CNKSR2: variants seen among roughly 807,000 people sequenced by gnomAD.
CNKSR2 encodes the protein CNK homolog protein 2.
Under a neutral mutation model 84.4 loss-of-function variants are expected in CNKSR2, and 14 were observed. The ratio of observed to expected loss-of-function variants is 0.17; its 90% CI spans 0.11 to 0.26. The LOEUF (loss-of-function observed/expected upper bound fraction) is 0.26. Ranked by LOEUF, CNKSR2 falls within the 10% of genes least tolerant of loss-of-function variation. CNKSR2 has a pLI of 1.00. For synonymous variants in CNKSR2, 275 were observed against 277.9 expected, an observed-to-expected ratio of 0.99 and a Z score of 0.10; for missense variants, 485 against 771.2, an observed-to-expected ratio of 0.63 and a Z score of 4.40.
chrX:21,590,510 G>C (rs929267645), intron 13 of CNKSR2, 62 bp from the exon 14 acceptor site: 1 of 1,048,326 alleles, frequency 9.5e-7, no homozygotes, highest in South Asian at 2.0e-5. Context: ...TCTGTGTAGC[G>C]TGCTGGTGCT....
intron 17 of CNKSR2, among the ~76,000 whole-genome samples, chrX:21,597,801 AATT>A (rs1343725320): frequency 5.5e-5 from 6 of 109,432 alleles, no homozygotes; most frequent in Non-Finnish European, 9.5e-5. Context: ...TATTTATAAA[AATT>A]ATTATAATTA....
chrX:21,562,615 T>C (rs2092201502), intron 12 of CNKSR2, among the ~76,000 whole-genome samples: 1 of 111,574 alleles, frequency 9.0e-6, no homozygotes, highest in South Asian at 3.7e-4. Context: ...TCAAGAAAAG[T>C]ATAAAAGAGA....
chrX:21,375,062 T>G (rs2089788267), intron 1 of CNKSR2, 101 bp downstream of exon 1: 1 of 716,273 alleles, frequency 1.4e-6, no homozygotes, highest in Non-Finnish European at 2.2e-6. Context: ...CCACCGCGGC[T>G]TCCACTGGCG....
At chrX:21,489,897 T>G in intron 5 of CNKSR2, among the ~76,000 whole-genome samples, 1 of 111,721 alleles carries the variant, frequency 9.0e-6, no homozygotes, top group Non-Finnish European at 1.9e-5. Context: ...TAAAATAGTT[T>G]CGCAGTTTCA....
intron 1 of CNKSR2, among the ~76,000 whole-genome samples, chrX:21,415,879 T>C (rs2090415547): frequency 9.3e-6 from 1 of 107,590 alleles, no homozygotes; most frequent in Non-Finnish European, 1.9e-5. Context: ...CACATATATA[T>C]ATATATATGA....
chrX:21,395,194 C>G (rs1332810193), intron 1 of CNKSR2, among the ~76,000 whole-genome samples: 2 of 111,520 alleles, frequency 1.8e-5, no homozygotes, highest in Non-Finnish European at 3.8e-5. Context: ...TAAAAATGCT[C>G]TATATATCCA....
chrX:21,570,135 A>G (rs2092272928), intron 13 of CNKSR2, among the ~76,000 whole-genome samples: 1 of 112,260 alleles, frequency 8.9e-6, no homozygotes, highest in Non-Finnish European at 1.9e-5. Context: ...GTTTGAAGCT[A>G]GGCATTGACT....
rs570362816 is a variant in CNKSR2 at position 21,653,828 on chromosome X, T to G, written c.*1307T>G. On this transcript the variant is annotated 3_prime_UTR_variant, in exon 22 of 22. Coordinates refer to ENST00000379510, the MANE Select transcript of CNKSR2 (RefSeq NM_014927.5). Reference sequence around the variant, plus strand: ...ATAATGTACAAGTCACAATTTGCTGTTTTTTTCAGGAGGAGAAAGGGAACC... The same window carrying G: ...ATAATGTACAAGTCACAATTTGCTGGTTTTTTCAGGAGGAGAAAGGGAACC... The G allele has an allele frequency of 9.9e-5, 11 of 111,522 alleles. No individual in the cohort carries two copies. The South Asian group carries it at 3.8e-3, about 38-fold the overall frequency. 9.2% of individuals were successfully genotyped at this position (111,522 alleles called of 1,213,427 possible). A position where few individuals can be genotyped will look rare whatever the true frequency, so the allele number is the denominator to read the frequency against.
At chrX:21,576,060 A>G (rs2092317417) in intron 13 of CNKSR2, among the ~76,000 whole-genome samples, 1 of 112,399 alleles carries the variant, frequency 8.9e-6, no homozygotes, top group African/African-American at 3.2e-5. Flanking sequence ...GCAAGGGTAC[A>G]GAAGTACTGA....
intron 1 of CNKSR2, chrX:21,423,711 C>T (rs929129548): frequency 9.0e-6 from 1 of 111,310 alleles, no homozygotes; most frequent in African/African-American, 3.3e-5. Flanking sequence ...GCAATGTTTC[C>T]CCTTTCATTC....
At chrX:21,622,284 G>T (rs545331726) in intron 20 of CNKSR2, among the ~76,000 whole-genome samples, 1 of 110,615 alleles carries the variant, frequency 9.0e-6, no homozygotes, top group Middle Eastern at 4.7e-3. Flanking sequence ...CCTTTGTGGA[G>T]CTCTTCTTAC....
intron 12 of CNKSR2, among the ~76,000 whole-genome samples, 182 bp downstream of exon 12, chrX:21,561,742 C>T (rs777620700): frequency 2.3e-4 from 26 of 111,417 alleles, no homozygotes; most frequent in African/African-American, 7.8e-4. Flanking sequence ...CAGATATTGT[C>T]TCTGAATGCC....
chrX:21,588,526 G>C (rs1448065675), intron 13 of CNKSR2, among the ~76,000 whole-genome samples: 1 of 111,833 alleles, frequency 8.9e-6, no homozygotes. Context: ...AGACATCTAA[G>C]GCTTTGCTTC....
chrX:21,462,255 G>T (rs1295825614), intron 4 of CNKSR2, among the ~76,000 whole-genome samples: 1 of 111,307 alleles, frequency 9.0e-6, no homozygotes, highest in Non-Finnish European at 1.9e-5. Flanking sequence ...TCACTTCTTT[G>T]ATTATGTTAA....
chrX:21,603,158 T>C (rs1183295123), intron 18 of CNKSR2, among the ~76,000 whole-genome samples: 2 of 112,461 alleles, frequency 1.8e-5, no homozygotes, highest in East Asian at 5.5e-4. Flanking sequence ...TAGAGAATCA[T>C]AGGCAGAAGC....
intron 1 of CNKSR2, among the ~76,000 whole-genome samples, chrX:21,403,462 G>T (rs926023253): frequency 9.0e-6 from 1 of 111,284 alleles, no homozygotes; most frequent in Non-Finnish European, 1.9e-5. Flanking sequence ...AATATCAAAG[G>T]TAACTCCGAT....
intron 13 of CNKSR2, among the ~76,000 whole-genome samples, chrX:21,572,955 C>A (rs1449907758): frequency 8.9e-6 from 1 of 111,942 alleles, no homozygotes; most frequent in East Asian, 2.8e-4. Flanking sequence ...TGAGACAAGG[C>A]AAGTCCCTTC....
intron 12 of CNKSR2, among the ~76,000 whole-genome samples, chrX:21,562,893 C>A (rs1232484204): frequency 2.7e-5 from 3 of 111,489 alleles, no homozygotes; most frequent in African/African-American, 9.8e-5. Flanking sequence ...TTATAAGCCA[C>A]ACACCTAGAA....
At chrX:21,523,078 A>C (rs1034809626) in intron 9 of CNKSR2, among the ~76,000 whole-genome samples, 3 of 110,995 alleles carry the variant, frequency 2.7e-5, no homozygotes, top group Non-Finnish European at 3.8e-5. Flanking sequence ...GTGCCCCCAG[A>C]AATCTATCAT....
Sources: allele counts gnomAD v4.1 joint callset (sites outside exome capture counted in the v4.1 genomes callset), GRCh38; gene constraint gnomAD v4.1.1; transcripts MANE v1.5; gene names NCBI Gene and HGNC (gene_info 2026-07-23, HGNC 2026-07-21).